The following CADM2 variants were observed in gnomAD, a reference collection of about 807,000 sequenced individuals.
The protein encoded by CADM2 is immunoglobulin superfamily member 4D.
Under a neutral mutation model 49.8 loss-of-function variants are expected in CADM2, and 12 were observed. That is an observed-to-expected ratio of 0.24 (90% confidence interval 0.15 to 0.39). CADM2 has a LOEUF of 0.39. Among genes scored for constraint, CADM2 ranks in the 10% least tolerant of loss-of-function variants. The pLI, the probability that CADM2 is intolerant of heterozygous loss-of-function variation, is 1.00. For synonymous variants in CADM2, 214 were observed against 175.4 expected (o/e 1.22, Z -1.74); for missense variants, 378 against 492.3 (o/e 0.77, Z 2.20).
intron 8 of CADM2, among the ~76,000 whole-genome samples, chr3:85,995,951 G>T (rs536720755): frequency 3.3e-5 from 5 of 151,678 alleles, no homozygotes; most frequent in Non-Finnish European, 7.4e-5. Context: ...TTAGCCAGGC[G>T]TGGTGGCGGT....
intron 1 of CADM2, among the ~76,000 whole-genome samples, chr3:85,400,716 G>T (rs1488848362): frequency 2.0e-5 from 3 of 152,048 alleles, no homozygotes; most frequent in Admixed American, 6.5e-5. Context: ...GTTTCTTCTA[G>T]TTTCTAGTTT....
chr3:85,500,604 C>G (rs1400579833), intron 1 of CADM2, among the ~76,000 whole-genome samples: 1 of 151,668 alleles, frequency 6.6e-6, no homozygotes, highest in Non-Finnish European at 1.5e-5. Context: ...TGCAAGCTCC[C>G]TCTCCAGGGT....
At chr3:85,841,516 AG>A (rs1470662450) in intron 3 of CADM2, among the ~76,000 whole-genome samples, 2 of 151,986 alleles carry the variant, frequency 1.3e-5, no homozygotes, top group Non-Finnish European at 2.9e-5. Context: ...CTATATTCAA[AG>A]GGAGTCCACA....
At chr3:84,973,719 C>T (rs189369704) in intron 1 of CADM2, among the ~76,000 whole-genome samples, 42 of 138,340 alleles carry the variant, frequency 3.0e-4, no homozygotes, top group African/African-American at 9.7e-4. Context: ...TTCAAAGAGC[C>T]GCTGATGCCT....
intron 1 of CADM2, among the ~76,000 whole-genome samples, chr3:85,691,750 A>T: frequency 6.6e-6 from 1 of 152,234 alleles, no homozygotes; most frequent in Non-Finnish European, 1.5e-5. Context: ...GATAGACTGG[A>T]TTAAGAAAAT....
intron 8 of CADM2, among the ~76,000 whole-genome samples, chr3:86,035,989 T>C (rs999282068): frequency 1.2e-4 from 18 of 152,110 alleles, no homozygotes; most frequent in Admixed American, 1.0e-3. Flanking sequence ...GTGTCTCTTC[T>C]GTTTCTAAAA....
chr3:85,396,828 C>T (rs1055335884), intron 1 of CADM2, among the ~76,000 whole-genome samples: 5 of 152,018 alleles, frequency 3.3e-5, no homozygotes, highest in African/African-American at 7.2e-5. Context: ...AGAAAATTTT[C>T]ATGACATTGG....
Position 85,998,453 on chromosome 3 carries a change from A to G in CADM2, c.970+36806A>G, listed in dbSNP as rs112801619. Among the ~76,000 whole-genome samples the G allele has an allele frequency of 6.0e-3, 921 of 152,292 alleles. 11 individuals are homozygous for G. The highest frequency in any genetic ancestry group is 0.02 in the African/African-American group (832 of 41,570). On this transcript the variant is annotated intron_variant, in intron 8 of 9. Coordinates refer to ENST00000383699, the MANE Select transcript of CADM2 (RefSeq NM_001167675.2). The stretch of plus-strand genomic sequence containing the variant: ...CAAAGAGGAATTGGATATGCAAAGA[A>G]AAAGGAGAGGACAGCAAAAATATAT...
At chr3:86,012,546 AGCGG>A in intron 8 of CADM2, 1 of 1,458,402 alleles carries the variant, frequency 6.9e-7, no homozygotes, top group Non-Finnish European at 9.2e-7. Context: ...TGGGCCAGCC[AGCGG>A]GCGGGCGAAG....
At chr3:85,048,484 T>C (rs898815047) in intron 1 of CADM2, among the ~76,000 whole-genome samples, 2 of 152,098 alleles carry the variant, frequency 1.3e-5, no homozygotes, top group Non-Finnish European at 2.9e-5. Flanking sequence ...GAAAGACTGT[T>C]GAGGCAGCAG....
At chr3:85,826,309 T>A (rs180874013) in intron 3 of CADM2, among the ~76,000 whole-genome samples, 19 of 152,164 alleles carry the variant, frequency 1.2e-4, no homozygotes, top group Admixed American at 1.2e-3. Flanking sequence ...GCCCACTGTA[T>A]TATTTAATGA....
At chr3:86,046,425 G>A (rs538081800) in intron 8 of CADM2, among the ~76,000 whole-genome samples, 1 of 152,188 alleles carries the variant, frequency 6.6e-6, no homozygotes, top group South Asian at 2.1e-4. Flanking sequence ...GCCCTTTTAA[G>A]CATATTTGCC....
intron 1 of CADM2, among the ~76,000 whole-genome samples, chr3:85,142,671 G>C (rs573628384): frequency 2.0e-5 from 3 of 152,282 alleles, no homozygotes; most frequent in South Asian, 2.1e-4. Context: ...ACAAATTTAG[G>C]TGATGATCTA....
chr3:85,880,221 G>C (rs1368764822), intron 3 of CADM2, among the ~76,000 whole-genome samples: 1 of 152,090 alleles, frequency 6.6e-6, no homozygotes. Context: ...ACTATTTCAA[G>C]TATGGAAACC....
intron 1 of CADM2, among the ~76,000 whole-genome samples, chr3:85,147,097 A>C (rs2107638749): frequency 6.6e-6 from 1 of 152,020 alleles, no homozygotes; most frequent in South Asian, 2.1e-4. Context: ...ACACGGTGAA[A>C]CCTCGTCTCT....
intron 1 of CADM2, among the ~76,000 whole-genome samples, chr3:85,252,612 C>A (rs919838020): frequency 1.3e-5 from 2 of 151,964 alleles, no homozygotes; most frequent in African/African-American, 4.8e-5. Flanking sequence ...TTTATTCAAT[C>A]CTTATTTGCA....
chr3:85,557,682 T>C lies in CADM2; in HGVS notation c.62-168840T>C, dbSNP rs558905745. Among the ~76,000 whole-genome samples the C allele has an allele frequency of 1.1e-4, 16 of 152,078 alleles. No individual in the cohort carries two copies. The South Asian group carries it at 3.3e-3, about 31-fold the overall frequency. ...ATAAGTATATTAACACACAAAATTA[T>C]TCATTTTGTTGCGGAAAAGCCAATC... On this transcript the variant is annotated intron_variant, in intron 1 of 9. Transcript: ENST00000383699.
chr3:85,310,516 C>T (rs1231534138), intron 1 of CADM2, among the ~76,000 whole-genome samples: 1 of 152,128 alleles, frequency 6.6e-6, no homozygotes, highest in Non-Finnish European at 1.5e-5. Flanking sequence ...CAACCAGGGT[C>T]ATGTTCAAAA....
chr3:85,139,805 T>G (rs75139486), intron 1 of CADM2, among the ~76,000 whole-genome samples: 11,243 of 152,156 alleles, frequency 0.074, 1,401 homozygotes, highest in African/African-American at 0.26. Context: ...GGCTCAATAT[T>G]CCCTCTGAAA....
Sources: gnomAD v4.1 joint callset for allele counts (sites outside exome capture counted in the v4.1 genomes callset) on GRCh38, gnomAD v4.1.1 for gene constraint, MANE v1.5 for transcripts, NCBI Gene and HGNC (gene_info 2026-07-23, HGNC 2026-07-21) for gene names.